The following CEP128 variants were observed in gnomAD, a reference collection of about 807,000 sequenced individuals.
The protein encoded by CEP128 is centrosomal protein 128kDa.
Under a neutral mutation model 156.7 loss-of-function variants are expected in CEP128, and 132 were observed. The observed-to-expected ratio is 0.84, with a 90% CI of 0.73 to 0.97. The LOEUF (loss-of-function observed/expected upper bound fraction) is 0.97, where lower values mean the gene tolerates loss of function less well. Ranked by LOEUF, CEP128 falls within the 50% of genes least tolerant of loss-of-function variation. The probability of loss-of-function intolerance (pLI) is 0.00; values close to 1 mark genes in which losing one functional copy is unlikely to be tolerated. For synonymous variants in CEP128, 469 were observed against 448.9 expected (o/e 1.04, Z -0.57); for missense variants, 1,252 against 1,281.9 (o/e 0.98, Z 0.36).
At chr14:80,828,453 A>G (rs893468180) in intron 13 of CEP128, among the ~76,000 whole-genome samples, 1 of 152,144 alleles carries the variant, frequency 6.6e-6, no homozygotes, top group Non-Finnish European at 1.5e-5. Flanking sequence ...AAACATACCC[A>G]GATTACTTCA....
chr14:80,868,727 A>C (rs1047014188), intron 8 of CEP128, among the ~76,000 whole-genome samples: 1 of 152,092 alleles, frequency 6.6e-6, no homozygotes, highest in Admixed American at 6.5e-5. Flanking sequence ...TTTTCTAATG[A>C]CCCAACTGTA....
At chr14:80,704,784 CCTT>C (rs138553553) in intron 19 of CEP128, among the ~76,000 whole-genome samples, 8,061 of 149,092 alleles carry the variant, frequency 0.054, 348 homozygotes, top group South Asian at 0.23. Context: ...TTCCTTATTG[CCTT>C]CTTCTTTCTT....
chr14:80,595,525 T>C (rs912487628), intron 19 of CEP128, among the ~76,000 whole-genome samples: 1 of 152,142 alleles, frequency 6.6e-6, no homozygotes, highest in Admixed American at 6.5e-5. Flanking sequence ...AAAGTTTCTG[T>C]TTCAATTTGA....
chr14:80,836,153 C>G, intron 12 of CEP128, 52 bp downstream of exon 12: 1 of 1,569,866 alleles, frequency 6.4e-7, no homozygotes, highest in Non-Finnish European at 8.7e-7. Flanking sequence ...TAAGAAAAAC[C>G]AAAAAGCCCC....
intron 9 of CEP128, among the ~76,000 whole-genome samples, chr14:80,858,709 A>T (rs970922549): frequency 9.9e-5 from 15 of 151,678 alleles, no homozygotes; most frequent in East Asian, 7.7e-4. Context: ...AGAAAAAAAC[A>T]AACAACCCCA....
chr14:80,683,906 A>G (rs998960762), intron 19 of CEP128, among the ~76,000 whole-genome samples: 7 of 152,124 alleles, frequency 4.6e-5, no homozygotes, highest in Non-Finnish European at 1.0e-4. Context: ...AAATAAAAAC[A>G]GAGACACAAC....
chr14:80,913,871 T>A (rs1336887072), intron 4 of CEP128, among the ~76,000 whole-genome samples: 2 of 152,210 alleles, frequency 1.3e-5, no homozygotes, highest in Non-Finnish European at 2.9e-5. Flanking sequence ...TTCATCACTA[T>A]ACAATTCATC....
intron 21 of CEP128, among the ~76,000 whole-genome samples, chr14:80,552,809 C>T (rs1890264039): frequency 6.6e-6 from 1 of 152,086 alleles, no homozygotes. Context: ...AATTGGTAGT[C>T]AGTTATATCT....
intron 19 of CEP128, among the ~76,000 whole-genome samples, chr14:80,686,164 C>A (rs1023320936): frequency 2.0e-5 from 3 of 151,972 alleles, no homozygotes; most frequent in East Asian, 3.9e-4. Flanking sequence ...AACAGACAAT[C>A]TATAGAATGG....
At chr14:80,953,251 A>G (rs1234193340) in intron 2 of CEP128, among the ~76,000 whole-genome samples, 1 of 152,270 alleles carries the variant, frequency 6.6e-6, no homozygotes, top group East Asian at 1.9e-4. Flanking sequence ...AAAACTTTTA[A>G]ACAGAATTTT....
At chr14:80,612,497 G>A (rs1022032078) in intron 19 of CEP128, among the ~76,000 whole-genome samples, 1 of 152,156 alleles carries the variant, frequency 6.6e-6, no homozygotes, top group African/African-American at 2.4e-5. Flanking sequence ...TCACTTGAAA[G>A]TGCCATGAAT....
chr14:80,770,293 G>T (rs184808107), intron 16 of CEP128, among the ~76,000 whole-genome samples: 1 of 152,128 alleles, frequency 6.6e-6, no homozygotes, highest in African/African-American at 2.4e-5. Flanking sequence ...ATTTCAAAAC[G>T]GCTTCATCAT....
intron 19 of CEP128, among the ~76,000 whole-genome samples, chr14:80,718,420 C>T (rs1307830757): frequency 6.6e-6 from 1 of 152,084 alleles, no homozygotes; most frequent in East Asian, 1.9e-4. Context: ...ATATATATGG[C>T]ATAAAAAGAC....
At chr14:80,602,597 C>A (rs1892624290) in intron 19 of CEP128, among the ~76,000 whole-genome samples, 1 of 152,098 alleles carries the variant, frequency 6.6e-6, no homozygotes, top group African/African-American at 2.4e-5. Context: ...CCATGAAACT[C>A]CGTCTCTTCT....
At chr14:80,533,263 A>T (rs963757762) in intron 21 of CEP128, among the ~76,000 whole-genome samples, 1 of 152,170 alleles carries the variant, frequency 6.6e-6, no homozygotes, top group Admixed American at 6.5e-5. Context: ...TCAAAATTTT[A>T]TGCATTGCAT....
In CEP128 at chr14:80,880,040, C is replaced by T. The variant is rs373429282; in HGVS notation, c.645+15678G>A. Among the ~76,000 whole-genome samples, 28 of 152,278 alleles carry T rather than the reference C, an allele frequency of 1.8e-4. 1 individual carries two copies. The highest frequency in any genetic ancestry group is 1.5e-3 in the East Asian group (8 of 5,194). Reference sequence around the variant, plus strand: ...ATAAAGACATCACAAGAGAAGAAAGCTATGACAATCTTTCTGATGAACACT... The same window carrying T: ...ATAAAGACATCACAAGAGAAGAAAGTTATGACAATCTTTCTGATGAACACT... On this transcript the variant is annotated intron_variant, in intron 8 of 24. Coordinates refer to ENST00000555265, the MANE Select transcript of CEP128 (RefSeq NM_152446.5).
chr14:80,918,353 T>C (rs1422502072), intron 2 of CEP128, among the ~76,000 whole-genome samples: 3 of 152,228 alleles, frequency 2.0e-5, no homozygotes, highest in Admixed American at 6.5e-5. Context: ...GTACTTCCCA[T>C]CAAGCATTTT....
At chr14:80,532,200 TA>T (rs1451297921) in intron 21 of CEP128, among the ~76,000 whole-genome samples, 51 of 151,982 alleles carry the variant, frequency 3.4e-4, no homozygotes, top group African/African-American at 1.2e-3. Flanking sequence ...TATATATATA[TA>T]TTTTTTTTCT....
chr14:80,628,936 G>A (rs922396468), intron 19 of CEP128, among the ~76,000 whole-genome samples: 5 of 151,786 alleles, frequency 3.3e-5, no homozygotes, highest in African/African-American at 4.8e-5. Context: ...TGGGGTAAGC[G>A]TTTTAGATGT....
Sources: allele counts gnomAD v4.1 joint callset (sites outside exome capture counted in the v4.1 genomes callset), GRCh38; gene constraint gnomAD v4.1.1; transcripts MANE v1.5; gene names NCBI Gene and HGNC (gene_info 2026-07-23, HGNC 2026-07-21).